POLH: variants seen among roughly 807,000 people sequenced by gnomAD.
POLH encodes DNA polymerase eta transcript.
Under a neutral mutation model 73.6 loss-of-function variants are expected in POLH, and 53 were observed. The ratio of observed to expected loss-of-function variants is 0.72; its 90% CI spans 0.58 to 0.91. The LOEUF (loss-of-function observed/expected upper bound fraction) is 0.91. Ranked by LOEUF, POLH falls within the 40% of genes least tolerant of loss-of-function variation. The pLI is 0.00. For synonymous variants in POLH, 292 were observed against 308.5 expected (o/e 0.95, Z 0.56); for missense variants, 768 against 865.4 (o/e 0.89, Z 1.41).
intron 3 of POLH, among the ~76,000 whole-genome samples, chr6:43,584,121 T>C (rs1764557041): frequency 6.6e-6 from 1 of 152,174 alleles, no homozygotes; most frequent in Non-Finnish European, 1.5e-5. Context: ...CCGGTCTGGG[T>C]GACAGAGTGA....
intron 3 of POLH, among the ~76,000 whole-genome samples, chr6:43,585,588 A>G (rs187510835): frequency 8.6e-5 from 13 of 151,396 alleles, no homozygotes; most frequent in South Asian, 2.1e-4. Context: ...TCACAATATT[A>G]TAAGTATCCT....
At chr6:43,585,643 T>C (rs1001393735) in intron 3 of POLH, among the ~76,000 whole-genome samples, 56 of 149,882 alleles carry the variant, frequency 3.7e-4, no homozygotes, top group Non-Finnish European at 7.0e-4. Context: ...TTTTCTTTTT[T>C]TTTTTTTTTT....
Position 43,614,099 on chromosome 6 carries a change from G to A in POLH, c.1684G>A (p.Ala562Thr). The A allele has an allele frequency of 1.2e-6, 2 of 1,614,186 alleles. No homozygotes were observed. Among genetic ancestry groups the A allele is most frequent in the Non-Finnish European group, 1.7e-6 (2 of 1,180,026 alleles). ...ACAAAACCCATGGTCCAACTGTAAA[G>A]CATTACCAAACTCTTTACCAACAGA... ...PQQNPWSNCK[A>T]LPNSLPTEYP... is the part of the protein sequence containing the mutation. Residue 562 changes from alanine (A) to threonine (T), a missense_variant, in exon 11 of 11, where the codon GCA becomes ACA. Coordinates refer to ENST00000372236, the MANE Select transcript of POLH (RefSeq NM_006502.3).
In POLH at chr6:43,576,427, T is replaced by C. The variant is rs1582257389; in HGVS notation, c.-18T>C. 1.3e-5 allele frequency: 2 copies of C among 152,228 alleles called. 1 individual carries two copies. The allele number at this position is 152,228 out of a possible 1,614,324, so 9.4% of individuals were successfully genotyped here. A position where few individuals can be genotyped will look rare whatever the true frequency, so the allele number is the denominator to read the frequency against. On this transcript the variant is annotated 5_prime_UTR_variant, in exon 1 of 11. Coordinates refer to ENST00000372236, the MANE Select transcript of POLH (RefSeq NM_006502.3). ...AACCGCTGCTGGCAGTTTTGCCAGG[T>C]GTTTGTTACCTTGGTAAGAAAATTT... is the stretch of plus-strand genomic sequence containing the variant.
intron 6 of POLH, among the ~76,000 whole-genome samples, chr6:43,602,385 T>G (rs1381159881): frequency 6.6e-6 from 1 of 152,166 alleles, no homozygotes; most frequent in Non-Finnish European, 1.5e-5. Flanking sequence ...AATTGTGCAG[T>G]AGAACAAACT....
chr6:43,581,934 T>C (rs950889471), intron 1 of POLH, among the ~76,000 whole-genome samples: 4 of 149,428 alleles, frequency 2.7e-5, no homozygotes, highest in African/African-American at 9.8e-5. Flanking sequence ...TCTTAAAAAC[T>C]GTTTTTTCCA....
At chr6:43,581,815 G>A (rs1764293388) in intron 1 of POLH, among the ~76,000 whole-genome samples, 1 of 150,996 alleles carries the variant, frequency 6.6e-6, no homozygotes. Context: ...ACCACCCGCG[G>A]CCACCATGGC....
chr6:43,602,115 C>T (rs1448713737), intron 6 of POLH, among the ~76,000 whole-genome samples: 1 of 152,046 alleles, frequency 6.6e-6, no homozygotes, highest in Admixed American at 6.6e-5. Flanking sequence ...TTTAACTTCC[C>T]GCTAGACTTT....
At chr6:43,610,834 C>G in intron 10 of POLH, 111 bp downstream of exon 10, 1 of 850,024 alleles carries the variant, frequency 1.2e-6, no homozygotes, top group Non-Finnish European at 1.9e-6. Context: ...TCTAATCACT[C>G]AAATTTTCAC....
At chr6:43,606,838 A>G (rs1017328209) in intron 9 of POLH, among the ~76,000 whole-genome samples, 2 of 152,180 alleles carry the variant, frequency 1.3e-5, no homozygotes, top group Non-Finnish European at 2.9e-5. Context: ...TTCTACAACT[A>G]TTCTACAATT....
chr6:43,590,655 G>T (rs1019542093), intron 4 of POLH, among the ~76,000 whole-genome samples: 1 of 151,992 alleles, frequency 6.6e-6, no homozygotes, highest in African/African-American at 2.4e-5. Flanking sequence ...GGGTGTGGTG[G>T]CTCACACCTG....
intron 6 of POLH, 129 bp downstream of exon 6, chr6:43,601,220 A>G: frequency 1.4e-6 from 1 of 718,582 alleles, no homozygotes; most frequent in Non-Finnish European, 2.6e-6. Context: ...TAGAAGGAAA[A>G]CAACACAGAA....
At chr6:43,593,479 C>T (rs1765690479) in intron 4 of POLH, among the ~76,000 whole-genome samples, 2 of 152,132 alleles carry the variant, frequency 1.3e-5, no homozygotes, top group Admixed American at 6.5e-5. Flanking sequence ...TGAGAAAATA[C>T]GTAGATTAAT....
Position 43,583,129 on chromosome 6 carries a change from C to T in POLH, c.260C>T (p.Ala87Val), listed in dbSNP as rs1203857854. Residue 87 changes from alanine (A) to valine (V), a missense_variant, in exon 3 of 11, where the codon GCT (alanine) becomes GTT (valine). By Grantham distance (64) the Ala-to-Val change is moderately conservative. Transcript: ENST00000372236. ...LAQVRESRGK[A>V]NLTKYREASV... is the part of the protein sequence containing the mutation. ...CAAGTTCGTGAGTCCCGTGGGAAAGCTAACCTCACCAAGTAAGAAAAAAAC... is the reference window on the plus strand; with the variant it reads ...CAAGTTCGTGAGTCCCGTGGGAAAGTTAACCTCACCAAGTAAGAAAAAAAC... The T allele has an allele frequency of 6.2e-7, 1 of 1,613,928 alleles. No homozygotes were observed. The highest frequency in any genetic ancestry group is 1.3e-5 in the African/African-American group (1 of 75,024).
At chr6:43,581,590 C>T (rs1431026114) in intron 1 of POLH, among the ~76,000 whole-genome samples, 8 of 150,086 alleles carry the variant, frequency 5.3e-5, no homozygotes, top group African/African-American at 7.5e-5. Context: ...CTCCTCCAGC[C>T]GCTGCCTCCC....
intron 4 of POLH, among the ~76,000 whole-genome samples, chr6:43,593,135 A>G (rs1347255600): frequency 2.0e-5 from 3 of 152,222 alleles, no homozygotes; most frequent in Non-Finnish European, 4.4e-5. Flanking sequence ...AGTAGCTGGA[A>G]CTATCGGCAT....
At position 43,614,399 on chromosome 6, in the gene POLH, T is replaced by A; in HGVS notation, c.1984T>A (p.Ser662Thr). 6.2e-7 allele frequency: 1 copy of A among 1,614,140 alleles called. No homozygotes were observed. Residue 662 changes from serine to threonine, a missense_variant, in exon 11 of 11, where the codon TCC becomes ACC. Transcript: ENST00000372236. Reference sequence around the variant, plus strand: ...TCATTTTGCATTGGAGTTGCAGAAATCCTTTTTGCAGCCCCACTCTTCAAA... The same window carrying A: ...TCATTTTGCATTGGAGTTGCAGAAAACCTTTTTGCAGCCCCACTCTTCAAA... ...DYHFALELQK[S>T]FLQPHSSNPQ...
rs534542375 is a variant in POLH, at chr6:43,583,336, C to A, written c.272+195C>A. On this transcript the variant is annotated intron_variant, in intron 3 of 10. Coordinates refer to ENST00000372236, the MANE Select transcript of POLH (RefSeq NM_006502.3). The stretch of plus-strand genomic sequence containing the variant: ...TGGGGACAGTTCAAAACCATTATAC[C>A]ATATAAGAGTTGCTGCCTTTGATAT... Among the ~76,000 whole-genome samples, 3 of 152,140 alleles carry A rather than the reference C, an allele frequency of 2.0e-5. No homozygotes were observed. The East Asian group carries it at 5.8e-4, about 29-fold the overall frequency.
intron 6 of POLH, 127 bp downstream of exon 6, chr6:43,601,218 A>C (rs1330652105): frequency 5.5e-6 from 4 of 730,384 alleles, no homozygotes; most frequent in Non-Finnish European, 1.0e-5. Flanking sequence ...GTTAGAAGGA[A>C]AACAACACAG....
Sources: allele counts gnomAD v4.1 joint callset (sites outside exome capture counted in the v4.1 genomes callset), GRCh38; gene constraint gnomAD v4.1.1; transcripts MANE v1.5; gene names NCBI Gene and HGNC (gene_info 2026-07-23, HGNC 2026-07-21).